The following BMPR2 variants were observed in gnomAD, a reference collection of about 807,000 sequenced individuals.
The protein encoded by BMPR2 is bone morphogenetic protein receptor type 2.
A neutral mutation model predicts 100.8 loss-of-function variants in BMPR2; 29 were observed. The observed-to-expected ratio is 0.29, with a 90% CI of 0.21 to 0.39. The LOEUF (loss-of-function observed/expected upper bound fraction) is 0.39, where lower values mean the gene tolerates loss of function less well. Ranked by LOEUF, BMPR2 falls within the 10% of genes least tolerant of loss-of-function variation. The probability of loss-of-function intolerance (pLI) is 1.00; values close to 1 mark genes in which losing one functional copy is unlikely to be tolerated. For missense variants in BMPR2, 1,011 were observed against 1,274.5 expected, an observed-to-expected ratio of 0.79 and a Z score of 3.15; for synonymous variants, 382 against 442.3, an observed-to-expected ratio of 0.86 and a Z score of 1.71.
At chr2:202,524,257 G>A (rs1253213554) in intron 7 of BMPR2, among the ~76,000 whole-genome samples, 2 of 151,766 alleles carry the variant, frequency 1.3e-5, no homozygotes, top group Non-Finnish European at 2.9e-5. Context: ...AGCTACTCGC[G>A]AGGCTGAGGC....
At chr2:202,456,904 A>G (rs976114049) in intron 1 of BMPR2, among the ~76,000 whole-genome samples, 11 of 152,202 alleles carry the variant, frequency 7.2e-5, no homozygotes, top group African/African-American at 1.9e-4. Context: ...TACAGTATAC[A>G]TGGCTTCATA....
intron 1 of BMPR2, among the ~76,000 whole-genome samples, chr2:202,383,457 G>A (rs1690343222): frequency 6.6e-6 from 1 of 152,172 alleles, no homozygotes; most frequent in Admixed American, 6.5e-5. Flanking sequence ...AAGGTGGGCT[G>A]ATCACCTGAA....
chr2:202,425,745 C>A (rs901344172), intron 1 of BMPR2, among the ~76,000 whole-genome samples: 1 of 151,974 alleles, frequency 6.6e-6, no homozygotes, highest in Non-Finnish European at 1.5e-5. Flanking sequence ...AAATTTAAAG[C>A]TTTTAGAAGA....
chr2:202,404,149 C>A (rs1690830744), intron 1 of BMPR2, among the ~76,000 whole-genome samples: 1 of 149,382 alleles, frequency 6.7e-6, no homozygotes. Context: ...AATAAAATGA[C>A]TTATTGTCAT....
Position 202,526,829 on chromosome 2 carries a change from G to A in BMPR2, c.968-3965G>A, listed in dbSNP as rs555609264. Among the ~76,000 whole-genome samples the A allele has an allele frequency of 1.8e-4, 27 of 152,280 alleles. No individual in the cohort carries two copies. The East Asian group carries it at 5.2e-3, about 29-fold the overall frequency. Reference sequence around the variant, plus strand: ...CTTTTTAAAAACTAAGTACATAGATGCTGCTATTGCATATAAATATAGTAG... The same window carrying A: ...CTTTTTAAAAACTAAGTACATAGATACTGCTATTGCATATAAATATAGTAG... On this transcript the variant is annotated intron_variant, in intron 7 of 12. Transcript: ENST00000374580.
chr2:202,555,783 G>C lies in BMPR2; in HGVS notation c.2118G>C (p.Leu706Phe). The C allele has an allele frequency of 6.2e-7, 1 of 1,614,104 alleles. No individual in the cohort carries two copies. The highest frequency in any genetic ancestry group is 1.1e-5 in the South Asian group (1 of 91,080). Residue 706 changes from leucine to phenylalanine, a missense_variant, in exon 12 of 13, where the codon TTG (leucine) becomes TTC (phenylalanine). Leu to Phe is a conservative substitution (Grantham distance 22). Coordinates refer to ENST00000374580, the MANE Select transcript of BMPR2 (RefSeq NM_001204.7). Reference protein sequence around the residue: ...PDPLSSTSSSLLYPLIKLAVE... With the variant: ...PDPLSSTSSSFLYPLIKLAVE... ...CACTGAGCAGTACTAGTTCTAGCTT[G>C]CTTTACCCACTCATAAAACTTGCAG...
chr2:202,531,928 G>GTTTTTT, intron 8 of BMPR2, among the ~76,000 whole-genome samples: 1 of 51,286 alleles, frequency 1.9e-5, no homozygotes, highest in Non-Finnish European at 4.2e-5. Flanking sequence ...ACGCCCAGCT[G>GTTTTTT]TATTTTTTTT....
chr2:202,478,489 G>A (rs373928331), intron 3 of BMPR2, among the ~76,000 whole-genome samples: 1 of 152,184 alleles, frequency 6.6e-6, no homozygotes, highest in Admixed American at 6.5e-5. Flanking sequence ...GCATGTGCCC[G>A]TACTTCCAAA....
intron 3 of BMPR2, among the ~76,000 whole-genome samples, chr2:202,467,904 C>T (rs1363327924): frequency 2.0e-5 from 3 of 151,880 alleles, no homozygotes; most frequent in Non-Finnish European, 2.9e-5. Flanking sequence ...AAAAATTAGC[C>T]GGGCGTAGTG....
At chr2:202,379,120 C>CT (rs912896154) in intron 1 of BMPR2, among the ~76,000 whole-genome samples, 8 of 151,920 alleles carry the variant, frequency 5.3e-5, no homozygotes, top group Admixed American at 4.6e-4. Context: ...TGGTTGTAGT[C>CT]TTTTTTTTCT....
chr2:202,409,274 G>A (rs1330282743), intron 1 of BMPR2, among the ~76,000 whole-genome samples: 2 of 152,172 alleles, frequency 1.3e-5, no homozygotes, highest in Non-Finnish European at 2.9e-5. Flanking sequence ...GAACCCAGAA[G>A]GCGGGGAAGT....
chr2:202,547,781 C>CAAAAAA (rs373601864), intron 10 of BMPR2, among the ~76,000 whole-genome samples: 1 of 56,898 alleles, frequency 1.8e-5, no homozygotes, highest in Admixed American at 2.1e-4. Flanking sequence ...AGATCCATCA[C>CAAAAAA]AAAAAAAAAA....
intron 1 of BMPR2, among the ~76,000 whole-genome samples, chr2:202,440,673 G>A (rs1433402683): frequency 6.6e-6 from 1 of 150,548 alleles, no homozygotes; most frequent in Non-Finnish European, 1.5e-5. Flanking sequence ...ACTCCAGCCT[G>A]CAATCCCAGG....
intron 3 of BMPR2, among the ~76,000 whole-genome samples, chr2:202,510,369 A>G (rs146101716): frequency 2.0e-5 from 3 of 152,214 alleles, no homozygotes; most frequent in Non-Finnish European, 4.4e-5. Context: ...GTGAGCTGAG[A>G]TCGTACATCT....
chr2:202,404,079 C>T (rs1163806738), intron 1 of BMPR2, among the ~76,000 whole-genome samples: 1 of 150,694 alleles, frequency 6.6e-6, no homozygotes, highest in East Asian at 1.9e-4. Context: ...ACTTGAATAT[C>T]ATTTTACCAA....
In BMPR2 at chr2:202,566,596, T is replaced by C. The variant is rs1688767216; in HGVS notation, c.*6650T>C. Reference sequence around the variant, plus strand: ...ACCATACATGATATGGGACAAATTGTTTCATTTTGTTTGTTTTTTAATAAG... The same window carrying C: ...ACCATACATGATATGGGACAAATTGCTTCATTTTGTTTGTTTTTTAATAAG... On this transcript the variant is annotated 3_prime_UTR_variant, in exon 13 of 13. Coordinates refer to ENST00000374580, the MANE Select transcript of BMPR2 (RefSeq NM_001204.7). 6.6e-6 allele frequency: 1 copy of C among 152,168 alleles called. No homozygotes were observed. The highest frequency in any genetic ancestry group is 2.4e-5 in the African/African-American group (1 of 41,458). The allele number at this position is 152,168 out of a possible 1,614,324, so 9.4% of individuals were successfully genotyped here.
chr2:202,434,600 T>C lies in BMPR2; in HGVS notation c.77-30209T>C, dbSNP rs183169609. 1.7e-4 allele frequency among the ~76,000 whole-genome samples: 25 copies of C among 149,816 alleles called. 5 individuals are homozygous for C. Among genetic ancestry groups the C allele is most frequent in the African/African-American group, 6.3e-4 (25 of 39,396 alleles). On this transcript the variant is annotated intron_variant, in intron 1 of 12. Coordinates refer to ENST00000374580, the MANE Select transcript of BMPR2 (RefSeq NM_001204.7). ...TAGTCCTGATTTGGCTCCTTCTGAC[T>C]TCTTTTTGTTTCCTAATCTTTTTGT...
chr2:202,537,028 C>T (rs1373294227), intron 9 of BMPR2, among the ~76,000 whole-genome samples: 1 of 152,112 alleles, frequency 6.6e-6, no homozygotes, highest in East Asian at 1.9e-4. Flanking sequence ...TCCTGAGTAG[C>T]TAGGACTACA....
At chr2:202,422,359 T>G (rs189282856) in intron 1 of BMPR2, among the ~76,000 whole-genome samples, 61 of 152,236 alleles carry the variant, frequency 4.0e-4, no homozygotes, top group African/African-American at 1.4e-3. Context: ...CAGGCTGGAG[T>G]GCAGTGGGGC....
Sources: gnomAD v4.1 joint callset for allele counts (sites outside exome capture counted in the v4.1 genomes callset) on GRCh38, gnomAD v4.1.1 for gene constraint, MANE v1.5 for transcripts, NCBI Gene and HGNC (gene_info 2026-07-23, HGNC 2026-07-21) for gene names.